The following GARIN2 variants were observed in gnomAD, a reference collection of about 807,000 sequenced individuals.
The protein encoded by GARIN2 is Golgi-associated RAB2 interactor protein 2.
chr14:67,193,017 TATAG>T, the GARIN2 span, among the ~76,000 whole-genome samples: 1 of 146,264 alleles, frequency 6.8e-6, no homozygotes, highest in African/African-American at 2.5e-5. Flanking sequence ...AATATCTAGA[TATAG>T]ATATATCTCT....
the GARIN2 span, among the ~76,000 whole-genome samples, chr14:67,193,966 GAAAAACAAAAAA>G: frequency 1.1e-5 from 1 of 93,582 alleles, no homozygotes; most frequent in South Asian, 3.9e-4. Flanking sequence ...AAAAAAAAAC[GAAAAACAAAAAA>G]AAAAACAGAA....
chr14:67,206,167 G>C, the GARIN2 span, among the ~76,000 whole-genome samples: 7 of 152,002 alleles, frequency 4.6e-5, no homozygotes, highest in African/African-American at 1.2e-4. Flanking sequence ...CTGGGTAACA[G>C]TCACACCCTG....
At chr14:67,208,641 A>T in the GARIN2 span, among the ~76,000 whole-genome samples, 1 of 152,184 alleles carries the variant, frequency 6.6e-6, no homozygotes, top group Non-Finnish European at 1.5e-5. Context: ...TTTTATTTTC[A>T]TGGCAACTTG....
the GARIN2 span, among the ~76,000 whole-genome samples, chr14:67,190,826 G>A: frequency 3.9e-5 from 6 of 152,190 alleles, no homozygotes; most frequent in Non-Finnish European, 7.3e-5. Context: ...AGAATCTTGG[G>A]AAAAATCACC....
At chr14:67,214,720 G>T in the GARIN2 span, among the ~76,000 whole-genome samples, 1 of 152,108 alleles carries the variant, frequency 6.6e-6, no homozygotes, top group African/African-American at 2.4e-5. Flanking sequence ...TTGGTAGCTT[G>T]ATGGGGATGG....
chr14:67,199,375 G>A, the GARIN2 span: 13 of 1,614,016 alleles, frequency 8.1e-6, no homozygotes, highest in Non-Finnish European at 1.1e-5. Flanking sequence ...TTTTCAATGG[G>A]AACCTGGACC....
chr14:67,198,025 A>G, the GARIN2 span: 2 of 1,016,720 alleles, frequency 2.0e-6, no homozygotes, highest in East Asian at 5.2e-5. Flanking sequence ...GTGCAGTGCC[A>G]AGCATATCAC....
At chr14:67,212,656 A>T in the GARIN2 span, among the ~76,000 whole-genome samples, 2 of 146,634 alleles carry the variant, frequency 1.4e-5, no homozygotes, top group African/African-American at 5.0e-5. Flanking sequence ...TATATATATA[A>T]TATATATTTA....
At chr14:67,199,392 T>C in the GARIN2 span, 2 of 1,613,870 alleles carry the variant, frequency 1.2e-6, no homozygotes, top group East Asian at 2.2e-5. Context: ...GACCCTGAGA[T>C]TGATGAGAAG....
the GARIN2 span, among the ~76,000 whole-genome samples, chr14:67,210,613 T>A: frequency 6.6e-6 from 1 of 152,200 alleles, no homozygotes; most frequent in Non-Finnish European, 1.5e-5. Context: ...TATTGATAGA[T>A]GTTTCTATTA....
chr14:67,218,413 A>T, the GARIN2 span, among the ~76,000 whole-genome samples: 1 of 152,148 alleles, frequency 6.6e-6, no homozygotes, highest in Non-Finnish European at 1.5e-5. Flanking sequence ...CACAAGTGCA[A>T]GTCTGCTTGG....
At chr14:67,221,074 A>T in the GARIN2 span, among the ~76,000 whole-genome samples, 1 of 152,228 alleles carries the variant, frequency 6.6e-6, no homozygotes, top group South Asian at 2.1e-4. Context: ...TAGTATGCCA[A>T]TGAGGTTAAG....
At chr14:67,224,771 C>A in the GARIN2 span, 1 of 248,456 alleles carries the variant, frequency 4.0e-6, no homozygotes, top group East Asian at 1.3e-4. Context: ...CCTTCCTACC[C>A]TTACCCATCT....
chr14:67,217,138 G>C, the GARIN2 span, among the ~76,000 whole-genome samples: 1 of 151,386 alleles, frequency 6.6e-6, no homozygotes, highest in East Asian at 1.9e-4. Context: ...AAATTGATCC[G>C]TTTATAACTA....
chr14:67,208,781 C>A, the GARIN2 span, among the ~76,000 whole-genome samples: 1 of 151,652 alleles, frequency 6.6e-6, no homozygotes, highest in Admixed American at 6.6e-5. Flanking sequence ...CCTGTAATCC[C>A]AGCTACTCGG....
chr14:67,197,537 TGGTCCCCTTGGCAG>T, the GARIN2 span, among the ~76,000 whole-genome samples: 1,444 of 152,286 alleles, frequency 9.5e-3, 16 homozygotes, highest in African/African-American at 0.028. Context: ...CCTATATCAG[TGGTCCCCTTGGCAG>T]CAGGGACCAG....
the GARIN2 span, chr14:67,208,024 C>A: frequency 2.2e-6 from 1 of 455,170 alleles, no homozygotes. Context: ...CTGCCGCCAA[C>A]ACACCCGGGG....
At chr14:67,207,852 C>T in the GARIN2 span, among the ~76,000 whole-genome samples, 1 of 152,222 alleles carries the variant, frequency 6.6e-6, no homozygotes, top group Non-Finnish European at 1.5e-5. Context: ...TAAGACCAAA[C>T]TCAGACTGGG....
the GARIN2 span, among the ~76,000 whole-genome samples, chr14:67,204,207 C>T: frequency 2.0e-5 from 3 of 152,078 alleles, no homozygotes; most frequent in Admixed American, 6.6e-5. Flanking sequence ...GAAGCCAAGG[C>T]AGGTGAATTG....
Sources: allele counts gnomAD v4.1 joint callset (sites outside exome capture counted in the v4.1 genomes callset), GRCh38; gene constraint gnomAD v4.1.1; transcripts MANE v1.5; gene names NCBI Gene and HGNC (gene_info 2026-07-23, HGNC 2026-07-21).